EML5: variants seen among roughly 807,000 people sequenced by gnomAD.
The protein encoded by EML5 is EMAP like 5, also known as echinoderm microtubule-associated protein-like 5.
EML5 carries 120 observed loss-of-function variants against 250.0 expected under a neutral mutation model. That is an observed-to-expected ratio of 0.48 (90% CI 0.41 to 0.56). The LOEUF (loss-of-function observed/expected upper bound fraction) is 0.56, where lower values mean the gene tolerates loss of function less well. Among genes scored for constraint, EML5 ranks in the 20% least tolerant of loss-of-function variants. EML5 has a pLI of 0.00. For missense variants in EML5, 2,006 were observed against 2,437.6 expected (o/e 0.82, Z 3.73); for synonymous variants, 771 against 806.5 (o/e 0.96, Z 0.75).
At chr14:88,641,572 C>T (rs553786446) in intron 31 of EML5, among the ~76,000 whole-genome samples, 8 of 152,154 alleles carry the variant, frequency 5.3e-5, no homozygotes, top group African/African-American at 1.9e-4. Context: ...AAACAAAAAC[C>T]ATATGATTAT....
chr14:88,618,414 T>C, intron 40 of EML5, 83 bp from the exon 41 acceptor site: 1 of 1,243,750 alleles, frequency 8.0e-7, no homozygotes. Context: ...TACTAGCATA[T>C]TGCTACTTGA....
In EML5 at chr14:88,741,748, C is replaced by A. The variant is rs549146914; in HGVS notation, c.526-1176G>T. Among the ~76,000 whole-genome samples, 4 of 152,006 alleles carry A rather than the reference C, an allele frequency of 2.6e-5. No individual in the cohort carries two copies. In the South Asian group the frequency reaches 8.3e-4, roughly 32 times the overall value. ...AATAAACCAAAAAAATGGGACAGGG[C>A]AGAGATACATACATTAAATAGTTCT... On this transcript the variant is annotated intron_variant, in intron 4 of 43. Coordinates refer to ENST00000554922, the MANE Select transcript of EML5 (RefSeq NM_183387.3).
chr14:88,735,252 C>G (rs1456167842), intron 7 of EML5, among the ~76,000 whole-genome samples: 1 of 152,126 alleles, frequency 6.6e-6, no homozygotes, highest in Non-Finnish European at 1.5e-5. Context: ...CTTACACATT[C>G]TTAGGTAATG....
chr14:88,635,600 A>G (rs2090678895), intron 32 of EML5, among the ~76,000 whole-genome samples: 1 of 152,106 alleles, frequency 6.6e-6, no homozygotes, highest in African/African-American at 2.4e-5. Context: ...TGATGAGTAC[A>G]CTCCTATAAT....
In EML5 at chr14:88,616,810, A is replaced by G; in HGVS notation, c.5712T>C (p.Cys1904=). Residue 1904 remains cysteine (C), a synonymous_variant, in exon 42 of 44, where the codon TGT becomes TGC. Coordinates refer to ENST00000554922, the MANE Select transcript of EML5 (RefSeq NM_183387.3). ...HAEKADVNCA[C]VSHSGISLVT... The stretch of plus-strand genomic sequence containing the variant: ...CAAGACTGATTCCTGAATGAGATAC[A>G]CAGGCACAGTTGACATCAGCTTTCT... 2 of 1,613,976 alleles carry G rather than the reference A, an allele frequency of 1.2e-6. No homozygotes were observed.
chr14:88,646,054 C>A (rs1262696764), intron 29 of EML5, among the ~76,000 whole-genome samples: 1 of 152,120 alleles, frequency 6.6e-6, no homozygotes, highest in East Asian at 1.9e-4. Flanking sequence ...ATCAATCATG[C>A]ACCAATCCCT....
intron 17 of EML5, among the ~76,000 whole-genome samples, chr14:88,692,755 ACTT>A (rs1466241199): frequency 2.6e-5 from 4 of 152,228 alleles, no homozygotes; most frequent in Non-Finnish European, 4.4e-5. Flanking sequence ...ATGTAAAAAT[ACTT>A]CTTTTTACTT....
intron 7 of EML5, among the ~76,000 whole-genome samples, chr14:88,731,581 T>C (rs1039780874): frequency 5.3e-5 from 8 of 152,256 alleles, no homozygotes; most frequent in East Asian, 1.9e-4. Context: ...TGGGTATATA[T>C]CCAGTAATGG....
At position 88,715,067 on chromosome 14, in the gene EML5, T is replaced by C. The variant is rs1415410049; in HGVS notation, c.1316A>G (p.Gln439Arg). Reference sequence around the variant, plus strand: ...ACACTCGCCAACTTTTTTATAACGCTGAGCAACTCCATAAATATCAACCGA... The same window carrying C: ...ACACTCGCCAACTTTTTTATAACGCCGAGCAACTCCATAAATATCAACCGA... ...DSSVDIYGVAQRYKKVGECLG... is the reference protein window; with the variant it reads ...DSSVDIYGVARRYKKVGECLG... Residue 439 changes from glutamine to arginine, a missense_variant, in exon 9 of 44, where the codon CAG (glutamine) becomes CGG (arginine). Physicochemically the swap from Gln to Arg is conservative, Grantham distance 43. Around this residue, in one of 7 missense-constraint regions of EML5, gnomAD observed 1,375 missense variants for 1,590.3 expected, o/e 0.86. Transcript: ENST00000554922. 6.2e-7 allele frequency: 1 copy of C among 1,613,894 alleles called. No individual in the cohort carries two copies. The highest frequency in any genetic ancestry group is 8.5e-7 in the Non-Finnish European group (1 of 1,179,840).
Position 88,727,026 on chromosome 14 carries a change from A to G in EML5, c.1050-348T>C, listed in dbSNP as rs113709296. ...TGGGACTACAGGAATGTGCCACCCA[A>G]CCTGGCTATGTTTTGTTGTTGTTGT... is the stretch of plus-strand genomic sequence containing the variant. On this transcript the variant is annotated intron_variant, in intron 7 of 43. Transcript: ENST00000554922. Among the ~76,000 whole-genome samples the G allele has an allele frequency of 3.7e-3, 553 of 150,140 alleles. 4 individuals carry two copies. Among genetic ancestry groups the G allele is most frequent in the African/African-American group, 0.012 (507 of 41,026 alleles).
At chr14:88,698,037 G>A (rs982251550) in intron 14 of EML5, among the ~76,000 whole-genome samples, 7 of 151,992 alleles carry the variant, frequency 4.6e-5, no homozygotes, top group Non-Finnish European at 8.8e-5. Flanking sequence ...GCACCTGGCC[G>A]AGATTGATTT....
intron 1 of EML5, among the ~76,000 whole-genome samples, chr14:88,781,475 C>T (rs2094496979): frequency 6.6e-6 from 1 of 152,210 alleles, no homozygotes; most frequent in African/African-American, 2.4e-5. Flanking sequence ...ATGATACTAC[C>T]ACTAATTATA....
In EML5 at chr14:88,642,875, A is replaced by G. The variant is rs2140650514; in HGVS notation, c.4237+18T>C. 2 of 1,581,694 alleles carry G rather than the reference A, an allele frequency of 1.3e-6. No individual in the cohort carries two copies. Among genetic ancestry groups the G allele is most frequent in the Non-Finnish European group, 8.6e-7 (1 of 1,169,068 alleles). On this transcript the variant is annotated intron_variant, in intron 31 of 43. Coordinates refer to ENST00000554922, the MANE Select transcript of EML5 (RefSeq NM_183387.3). ...GTTAAAAAAATTGATAGAGGGATGG[A>G]GAATCAGGGTTTCCTACCTGTAGCA...
chr14:88,679,689 CAAAAAATAAAAAT>C (rs757487194), intron 21 of EML5, among the ~76,000 whole-genome samples: 1 of 150,506 alleles, frequency 6.6e-6, no homozygotes, highest in Non-Finnish European at 1.5e-5. Context: ...AAGACTGTCT[CAAAAAATAAAAAT>C]AAAAAATAAA....
At chr14:88,627,284 G>A in intron 34 of EML5, 1 of 544,840 alleles carries the variant, frequency 1.8e-6, no homozygotes, top group South Asian at 2.4e-5. Context: ...CTAAAGTGTG[G>A]TAGGTAATAT....
At position 88,746,270 on chromosome 14, in the gene EML5, A is replaced by G; in HGVS notation, c.371T>C (p.Val124Ala). The change falls in exon 3 of 44, where the codon GTT (valine) becomes GCT (alanine). Residue 124 changes from valine to alanine, a missense_variant. Around this residue, in one of 7 missense-constraint regions of EML5, gnomAD observed 162 missense variants for 212.2 expected, o/e 0.76. Coordinates refer to ENST00000554922, the MANE Select transcript of EML5 (RefSeq NM_183387.3). ...FDLDGQRLVS[V>A]GLDSKNAVCV... ...AACTGCATTCTTTGAATCAAGTCCA[A>G]CTGAAACCAAGCGCTGATTTATGTC... 2 of 1,613,188 alleles carry G rather than the reference A, an allele frequency of 1.2e-6. No individual in the cohort carries two copies.
intron 27 of EML5, among the ~76,000 whole-genome samples, chr14:88,651,732 ATCTG>A (rs2091639341): frequency 6.6e-6 from 1 of 151,864 alleles, no homozygotes; most frequent in African/African-American, 2.4e-5. Flanking sequence ...TTTCATATTT[ATCTG>A]TATTTATCTA....
intron 1 of EML5, among the ~76,000 whole-genome samples, chr14:88,776,260 A>G (rs1057329465): frequency 6.6e-6 from 1 of 152,160 alleles, no homozygotes; most frequent in Non-Finnish European, 1.5e-5. Flanking sequence ...CTAACCAAAG[A>G]ATTAAATAAG....
chr14:88,646,686 C>A (rs2091364973), intron 29 of EML5, among the ~76,000 whole-genome samples: 1 of 151,838 alleles, frequency 6.6e-6, no homozygotes, highest in Non-Finnish European at 1.5e-5. Flanking sequence ...TAAGGTATAT[C>A]ATTGCTGAAA....
Sources: gnomAD v4.1 joint callset for allele counts (sites outside exome capture counted in the v4.1 genomes callset) on GRCh38, gnomAD v4.1.1 for gene constraint, gnomAD v4.1.1 regional missense constraint, MANE v1.5 for transcripts, NCBI Gene and HGNC (gene_info 2026-07-23, HGNC 2026-07-21) for gene names.